Variants in ERC1 observed in about 807,000 individuals in gnomAD.
The protein encoded by ERC1 is RAB6 interacting protein 2.
A neutral mutation model predicts 132.0 loss-of-function variants in ERC1; 56 were observed. The observed-to-expected ratio is 0.42, with a 90% CI of 0.34 to 0.53. The LOEUF is 0.53. Ranked by LOEUF, ERC1 falls within the 20% of genes least tolerant of loss-of-function variation. ERC1 has a pLI of 0.03. For missense variants in ERC1, 1,202 were observed against 1,349.9 expected, an observed-to-expected ratio of 0.89 and a Z score of 1.72; for synonymous variants, 478 against 476.1, an observed-to-expected ratio of 1.00 and a Z score of -0.05.
chr12:1,165,951 C>G (rs533719801), intron 8 of ERC1, among the ~76,000 whole-genome samples: 1 of 152,142 alleles, frequency 6.6e-6, no homozygotes, highest in African/African-American at 2.4e-5. Flanking sequence ...CAATTACAAC[C>G]CCTCATCCTC....
chr12:1,200,825 T>C (rs1361350329), intron 12 of ERC1, among the ~76,000 whole-genome samples: 2 of 152,188 alleles, frequency 1.3e-5, no homozygotes, highest in Non-Finnish European at 2.9e-5. Flanking sequence ...CCCAAAGTGC[T>C]GGGATTTCAG....
intron 18 of ERC1, among the ~76,000 whole-genome samples, chr12:1,445,405 G>A (rs11061763): frequency 0.18 from 27,709 of 151,446 alleles, 5,937 homozygotes; most frequent in African/African-American, 0.52. Context: ...AGTTTTTTGT[G>A]TTTTCAGTAG....
At chr12:1,174,250 T>G (rs1953431540) in intron 8 of ERC1, among the ~76,000 whole-genome samples, 1 of 152,266 alleles carries the variant, frequency 6.6e-6, no homozygotes, top group African/African-American at 2.4e-5. Context: ...ATTTCAGGTC[T>G]TCCTCACTGA....
intron 12 of ERC1, chr12:1,203,944 A>T (rs1196703142): frequency 6.6e-6 from 1 of 152,548 alleles, no homozygotes; most frequent in East Asian, 1.9e-4. Context: ...ACTAGTTGTT[A>T]TTAGGAGAAA....
intron 8 of ERC1, among the ~76,000 whole-genome samples, chr12:1,147,225 A>C (rs1950459547): frequency 6.6e-6 from 1 of 152,156 alleles, no homozygotes; most frequent in African/African-American, 2.4e-5. Context: ...AATGCTTTCA[A>C]CTTTCCCCCG....
chr12:1,366,530 T>A (rs2086676121), intron 15 of ERC1, among the ~76,000 whole-genome samples: 1 of 152,142 alleles, frequency 6.6e-6, no homozygotes, highest in Non-Finnish European at 1.5e-5. Flanking sequence ...ACATAGCAGC[T>A]CTATGACAGA....
intron 2 of ERC1, among the ~76,000 whole-genome samples, chr12:1,071,162 T>G (rs1015880400): frequency 6.6e-6 from 1 of 152,204 alleles, no homozygotes; most frequent in Non-Finnish European, 1.5e-5. Flanking sequence ...CTGTAAACAT[T>G]TTTATATGGT....
chr12:1,431,584 GT>G (rs2092799266), intron 17 of ERC1, among the ~76,000 whole-genome samples: 1 of 152,014 alleles, frequency 6.6e-6, no homozygotes, highest in Non-Finnish European at 1.5e-5. Context: ...TTATTTATCA[GT>G]TTTTACATAG....
chr12:1,000,618 C>T (rs111686429), intron 1 of ERC1, among the ~76,000 whole-genome samples: 2,044 of 152,182 alleles, frequency 0.013, 45 homozygotes, highest in African/African-American at 0.047. Flanking sequence ...CAAAAATTAG[C>T]TGGGTGTGGT....
intron 12 of ERC1, among the ~76,000 whole-genome samples, chr12:1,192,182 T>C (rs1277298710): frequency 6.6e-6 from 1 of 152,368 alleles, no homozygotes; most frequent in South Asian, 2.1e-4. Context: ...TTTATTCTTT[T>C]ACCCCATTTG....
intron 2 of ERC1, among the ~76,000 whole-genome samples, chr12:1,039,566 C>T (rs188893426): frequency 5.3e-5 from 8 of 151,364 alleles, no homozygotes; most frequent in Admixed American, 4.6e-4. Flanking sequence ...TGGATATAGA[C>T]GGCAAGAGAG....
intron 12 of ERC1, among the ~76,000 whole-genome samples, chr12:1,213,641 G>A (rs1342415842): frequency 6.6e-6 from 1 of 151,502 alleles, no homozygotes; most frequent in Non-Finnish European, 1.5e-5. Flanking sequence ...GGAGGCTGAG[G>A]CAGGAGAATC....
intron 3 of ERC1, among the ~76,000 whole-genome samples, chr12:1,101,412 C>G (rs543714046): frequency 3.9e-5 from 6 of 152,322 alleles, no homozygotes; most frequent in African/African-American, 1.4e-4. Context: ...ACACTGCTCA[C>G]CACCACTGGA....
intron 18 of ERC1, among the ~76,000 whole-genome samples, chr12:1,454,063 G>C (rs1481958097): frequency 1.3e-5 from 2 of 152,182 alleles, no homozygotes; most frequent in East Asian, 3.9e-4. Flanking sequence ...CCAGCCTCTA[G>C]AGAGAGGAGG....
Position 1,236,830 on chromosome 12 carries a change from A to G in ERC1, c.2413A>G (p.Lys805Glu). ...NLKHKEQVEK[K>E]KSAQMLEEAR... Reference sequence around the variant, plus strand: ...GAAGCACAAGGAACAGGTGGAAAAAAAGAAGAGTGCACAAATGTTAGAGGA... The same window carrying G: ...GAAGCACAAGGAACAGGTGGAAAAAGAGAAGAGTGCACAAATGTTAGAGGA... Residue 805 changes from lysine to glutamate, a missense_variant, in exon 13 of 19, where the codon AAG (lysine) becomes GAG (glutamate). Coordinates refer to ENST00000360905, the MANE Select transcript of ERC1 (RefSeq NM_178040.4). The G allele has an allele frequency of 6.2e-7, 1 of 1,614,148 alleles. No homozygotes were observed. The highest frequency in any genetic ancestry group is 8.5e-7 in the Non-Finnish European group (1 of 1,180,018).
intron 15 of ERC1, among the ~76,000 whole-genome samples, chr12:1,317,374 G>T (rs10400459): frequency 0.019 from 2,924 of 151,696 alleles, 100 homozygotes; most frequent in African/African-American, 0.068. Flanking sequence ...TGGACACAGG[G>T]AGGGGAACAT....
intron 2 of ERC1, among the ~76,000 whole-genome samples, chr12:1,041,987 G>A (rs1441759500): frequency 6.6e-6 from 1 of 152,086 alleles, no homozygotes; most frequent in Non-Finnish European, 1.5e-5. Flanking sequence ...GACCTCAGAT[G>A]ATCCACCCGC....
At chr12:1,265,608 T>G (rs2077429221) in intron 14 of ERC1, among the ~76,000 whole-genome samples, 1 of 152,226 alleles carries the variant, frequency 6.6e-6, no homozygotes, top group Non-Finnish European at 1.5e-5. Flanking sequence ...AGGGTTCACT[T>G]TTCGTGACGC....
intron 13 of ERC1, among the ~76,000 whole-genome samples, chr12:1,243,189 G>A (rs1249534127): frequency 3.7e-5 from 5 of 133,750 alleles, no homozygotes; most frequent in South Asian, 2.5e-4. Context: ...GCGAGACTCC[G>A]TCTCAAAAAA....
Sources: allele counts gnomAD v4.1 joint callset (sites outside exome capture counted in the v4.1 genomes callset), GRCh38; gene constraint gnomAD v4.1.1; transcripts MANE v1.5; gene names NCBI Gene and HGNC (gene_info 2026-07-23, HGNC 2026-07-21).